CEP112: variants seen among roughly 807,000 people sequenced by gnomAD.
CEP112 encodes the protein centrosomal protein 112.
Under a neutral mutation model 153.0 loss-of-function variants are expected in CEP112, and 127 were observed. The ratio of observed to expected loss-of-function variants is 0.83; its 90% confidence interval spans 0.72 to 0.96. The LOEUF is 0.96. Among genes scored for constraint, CEP112 ranks in the 40% least tolerant of loss-of-function variants. The pLI, the probability that CEP112 is intolerant of heterozygous loss-of-function variation, is 0.00. For synonymous variants in CEP112, 358 were observed against 374.4 expected, an observed-to-expected ratio of 0.96 and a Z score of 0.51; for missense variants, 1,089 against 1,101.2, an observed-to-expected ratio of 0.99 and a Z score of 0.16.
chr17:65,867,805 T>C (rs1053927742), intron 20 of CEP112, among the ~76,000 whole-genome samples: 2 of 152,074 alleles, frequency 1.3e-5, no homozygotes, highest in African/African-American at 4.8e-5. Context: ...TAGTTATATG[T>C]CCCTAAAATT....
At chr17:65,854,582 T>C (rs2058066244) in intron 20 of CEP112, among the ~76,000 whole-genome samples, 1 of 152,240 alleles carries the variant, frequency 6.6e-6, no homozygotes, top group African/African-American at 2.4e-5. Context: ...CCCATTTTTA[T>C]CCTGCCTTTC....
chr17:65,702,047 T>C (rs1012873681), intron 23 of CEP112, among the ~76,000 whole-genome samples: 1 of 152,140 alleles, frequency 6.6e-6, no homozygotes, highest in Non-Finnish European at 1.5e-5. Flanking sequence ...GGCTAGTTTT[T>C]ATATTTTTAG....
At chr17:65,790,917 C>A (rs745739906) in intron 21 of CEP112, among the ~76,000 whole-genome samples, 1 of 152,136 alleles carries the variant, frequency 6.6e-6, no homozygotes, top group Non-Finnish European at 1.5e-5. Flanking sequence ...AACACCCTTG[C>A]GTTGGGGATG....
At chr17:65,999,219 C>T (rs1165738923) in intron 17 of CEP112, among the ~76,000 whole-genome samples, 4 of 136,716 alleles carry the variant, frequency 2.9e-5, no homozygotes, top group East Asian at 2.2e-4. Context: ...TTTTTTGAGA[C>T]GGAGTCTCGC....
intron 8 of CEP112, among the ~76,000 whole-genome samples, chr17:66,081,939 C>T (rs1357546959): frequency 6.6e-6 from 1 of 152,018 alleles, no homozygotes; most frequent in East Asian, 1.9e-4. Flanking sequence ...GCCTACTTGG[C>T]ATTACACATA....
chr17:65,704,543 A>G (rs1373481768), intron 23 of CEP112, among the ~76,000 whole-genome samples: 1 of 152,064 alleles, frequency 6.6e-6, no homozygotes, highest in Non-Finnish European at 1.5e-5. Context: ...CAATCCGGAA[A>G]ATGGCATTAG....
intron 21 of CEP112, among the ~76,000 whole-genome samples, chr17:65,832,238 A>G (rs567709885): frequency 4.9e-4 from 74 of 152,172 alleles, no homozygotes; most frequent in Non-Finnish European, 6.6e-4. Flanking sequence ...CACATCAAAA[A>G]GTTGGAAAAA....
At chr17:66,129,681 T>G (rs953400588) in intron 6 of CEP112, 65 bp downstream of exon 6, 30 of 1,123,054 alleles carry the variant, frequency 2.7e-5, no homozygotes, top group Middle Eastern at 4.5e-4. Flanking sequence ...TTAGTTCAGA[T>G]ATTATACACA....
intron 23 of CEP112, among the ~76,000 whole-genome samples, chr17:65,715,667 G>A (rs184539219): frequency 6.6e-6 from 1 of 152,172 alleles, no homozygotes; most frequent in East Asian, 1.9e-4. Flanking sequence ...TAGCCAGGAT[G>A]GTCTTGATCT....
intron 4 of CEP112, among the ~76,000 whole-genome samples, chr17:66,135,117 C>T (rs1178782845): frequency 6.6e-6 from 1 of 152,106 alleles, no homozygotes; most frequent in Non-Finnish European, 1.5e-5. Flanking sequence ...TCAACATGTC[C>T]ATTATTATTA....
chr17:66,063,130 G>A (rs2066988899), intron 10 of CEP112, 49 bp from the exon 11 acceptor site: 1 of 849,986 alleles, frequency 1.2e-6, no homozygotes, highest in Non-Finnish European at 1.8e-6. Flanking sequence ...GGTACATAGA[G>A]TTTGATGATA....
intron 19 of CEP112, among the ~76,000 whole-genome samples, chr17:65,912,831 G>GT (rs2060338571): frequency 6.6e-6 from 1 of 152,136 alleles, no homozygotes; most frequent in African/African-American, 2.4e-5. Flanking sequence ...GGCTTGCCAG[G>GT]TAACACTTTC....
At position 65,931,197 on chromosome 17, in the gene CEP112, A is replaced by T. The variant is rs188441681; in HGVS notation, c.1873-3508T>A. Among the ~76,000 whole-genome samples the T allele has an allele frequency of 4.1e-3, 623 of 152,346 alleles. 13 individuals carry two copies. The highest frequency in any genetic ancestry group is 0.036 in the Admixed American group (555 of 15,294). On this transcript the variant is annotated intron_variant, in intron 18 of 26. Coordinates refer to ENST00000535342, the MANE Select transcript of CEP112 (RefSeq NM_001199165.4). ...AGGGACATCAGCAAGATGGTAGAAT[A>T]AAAGTTCCACAGCTCCAGTCTATCT...
At chr17:65,779,706 A>G (rs1395456355) in intron 21 of CEP112, among the ~76,000 whole-genome samples, 1 of 152,190 alleles carries the variant, frequency 6.6e-6, no homozygotes, top group Non-Finnish European at 1.5e-5. Flanking sequence ...ACAGAAGCTA[A>G]TAATTAGGAA....
At chr17:65,640,927 C>T (rs749227984) in intron 25 of CEP112, 37 bp downstream of exon 25, 1 of 1,215,088 alleles carries the variant, frequency 8.2e-7, no homozygotes. Flanking sequence ...AGAGTATCCC[C>T]TAAATCCTTG....
intron 5 of CEP112, among the ~76,000 whole-genome samples, chr17:66,130,250 A>T (rs554140222): frequency 6.6e-6 from 1 of 152,284 alleles, no homozygotes; most frequent in South Asian, 2.1e-4. Flanking sequence ...TTAAAAATTA[A>T]TCCAGGCTCT....
At chr17:66,083,659 G>C (rs144070149) in intron 8 of CEP112, among the ~76,000 whole-genome samples, 2 of 152,104 alleles carry the variant, frequency 1.3e-5, no homozygotes, top group East Asian at 3.9e-4. Context: ...AACCAGCCCG[G>C]GCAACACGGT....
intron 23 of CEP112, among the ~76,000 whole-genome samples, chr17:65,734,431 T>C (rs1014780473): frequency 2.4e-4 from 37 of 152,210 alleles, no homozygotes; most frequent in Non-Finnish European, 4.1e-4. Context: ...AGAGGTTTTG[T>C]ATATGTGGAT....
At chr17:66,155,343 G>C (rs1238347510) in intron 4 of CEP112, among the ~76,000 whole-genome samples, 1 of 152,208 alleles carries the variant, frequency 6.6e-6, no homozygotes, top group South Asian at 2.1e-4. Context: ...TGCCGTGAGG[G>C]ACAGTGCATT....
Sources: gnomAD v4.1 joint callset for allele counts (sites outside exome capture counted in the v4.1 genomes callset) on GRCh38, gnomAD v4.1.1 for gene constraint, MANE v1.5 for transcripts, NCBI Gene and HGNC (gene_info 2026-07-23, HGNC 2026-07-21) for gene names.